Variants in GPC3 observed in about 807,000 individuals in gnomAD.
The protein encoded by GPC3 is glypican 3, also known as glypican-3.
GPC3 carries 3 observed loss-of-function variants against 34.4 expected under a neutral mutation model. That is an observed-to-expected ratio of 0.09 (90% CI 0.04 to 0.23). The LOEUF is 0.23. GPC3 is among the 10% of genes least tolerant of loss of function. The pLI is 1.00. For synonymous variants in GPC3, 177 were observed against 174.0 expected (o/e 1.02, Z -0.13); for missense variants, 351 against 445.6 (o/e 0.79, Z 1.91).
chrX:133,919,838 T>C (rs2076240209), intron 2 of GPC3, among the ~76,000 whole-genome samples: 1 of 99,329 alleles, frequency 1.0e-5, no homozygotes, highest in Non-Finnish European at 2.0e-5. Context: ...CAAGATCCTG[T>C]CTCAAAAAAA....
chrX:133,769,514 T>C (rs1367417846), intron 2 of GPC3, among the ~76,000 whole-genome samples: 1 of 112,143 alleles, frequency 8.9e-6, no homozygotes, highest in African/African-American at 3.2e-5. Context: ...TTCATCAAAT[T>C]GCACACATTA....
chrX:133,693,416 GTAAA>G (rs2071085164), intron 4 of GPC3, among the ~76,000 whole-genome samples: 1 of 111,425 alleles, frequency 9.0e-6, no homozygotes, highest in Non-Finnish European at 1.9e-5. Flanking sequence ...ATGTACAGTG[GTAAA>G]TAAACAAAAA....
chrX:133,985,266 C>G lies in GPC3; in HGVS notation c.175+9G>C, dbSNP rs776234359. The G allele has an allele frequency of 8.3e-7, 1 of 1,210,235 alleles. No homozygotes were observed. Among genetic ancestry groups the G allele is most frequent in the Non-Finnish European group, 1.1e-6 (1 of 894,438 alleles). ...GGGCGCTAGGCACGCTCAAGGGACC[C>G]CTCCTCACCTGGCACGGGAGTTTCT... On this transcript the variant is annotated intron_variant, in intron 1 of 7. Coordinates refer to ENST00000370818, the MANE Select transcript of GPC3 (RefSeq NM_004484.4).
At chrX:133,562,814 GA>G (rs1281902884) in intron 7 of GPC3, among the ~76,000 whole-genome samples, 7 of 110,909 alleles carry the variant, frequency 6.3e-5, no homozygotes, top group African/African-American at 2.3e-4. Context: ...ACCATTATGG[GA>G]GTGTTAGGAT....
At chrX:133,813,368 G>A (rs189135285) in intron 2 of GPC3, among the ~76,000 whole-genome samples, 33 of 112,288 alleles carry the variant, frequency 2.9e-4, no homozygotes, top group Admixed American at 7.5e-4. Context: ...TCACCATTCC[G>A]ATAACACTGG....
At position 133,985,561 on chromosome X, in the gene GPC3, C is replaced by G. The variant is rs1008933780; in HGVS notation, c.-112G>C. 1.1e-4 allele frequency: 84 copies of G among 769,161 alleles called. No individual in the cohort carries two copies. The highest frequency in any genetic ancestry group is 1.4e-4 in the Non-Finnish European group (74 of 533,027). 63.4% of individuals were successfully genotyped at this position (769,161 alleles called of 1,213,427 possible). The stretch of plus-strand genomic sequence containing the variant: ...CTGAGGAGCAAGAGACGTGCTGCTA[C>G]CCAGCCGCTGCAAAAGTTTCCTCGC... On this transcript the variant is annotated 5_prime_UTR_variant, in exon 1 of 8. Transcript: ENST00000370818.
chrX:133,763,642 C>T (rs1603242634), intron 2 of GPC3: 1 of 781,500 alleles, frequency 1.3e-6, no homozygotes, highest in Middle Eastern at 3.2e-4. Flanking sequence ...TTCCACTGCT[C>T]AGGCCACTGA....
intron 2 of GPC3, among the ~76,000 whole-genome samples, chrX:133,813,449 T>G (rs2075674910): frequency 8.9e-6 from 1 of 112,683 alleles, no homozygotes; most frequent in African/African-American, 3.2e-5. Context: ...GGGGGAAGTA[T>G]TATTGGTGGA....
At chrX:133,656,936 C>A (rs2070670027) in intron 6 of GPC3, among the ~76,000 whole-genome samples, 1 of 111,649 alleles carries the variant, frequency 9.0e-6, no homozygotes, top group Non-Finnish European at 1.9e-5. Flanking sequence ...TGGGTTAAAG[C>A]CTGACCTTGA....
chrX:133,661,950 C>A, intron 5 of GPC3, 100 bp from the exon 6 acceptor site: 1 of 971,894 alleles, frequency 1.0e-6, no homozygotes, highest in South Asian at 2.0e-5. Context: ...ACCACAAGCT[C>A]ATGAGACGAC....
At chrX:133,965,088 TTACAG>T (rs2076457429) in intron 1 of GPC3, among the ~76,000 whole-genome samples, 1 of 111,701 alleles carries the variant, frequency 9.0e-6, no homozygotes, top group African/African-American at 3.3e-5. Context: ...AAGTTCCTCC[TTACAG>T]TAGAGAGTTC....
chrX:133,588,391 A>T (rs759275596), intron 7 of GPC3, among the ~76,000 whole-genome samples: 2 of 111,160 alleles, frequency 1.8e-5, no homozygotes, highest in Non-Finnish European at 3.8e-5. Flanking sequence ...AACAAAAAAC[A>T]AACAAACAAA....
intron 3 of GPC3, among the ~76,000 whole-genome samples, chrX:133,717,137 T>C (rs1215705613): frequency 9.1e-6 from 1 of 110,027 alleles, no homozygotes; most frequent in African/African-American, 3.3e-5. Flanking sequence ...AATTTTTGTA[T>C]TTTTGGTAGA....
intron 3 of GPC3, among the ~76,000 whole-genome samples, chrX:133,741,268 C>T (rs2071561933): frequency 2.0e-5 from 2 of 98,492 alleles, no homozygotes; most frequent in South Asian, 4.7e-4. Flanking sequence ...AAATAAACTT[C>T]TGTTGTTTAA....
intron 4 of GPC3, among the ~76,000 whole-genome samples, chrX:133,693,687 T>C (rs2071087888): frequency 9.0e-6 from 1 of 111,467 alleles, no homozygotes; most frequent in African/African-American, 3.3e-5. Context: ...CTTCTGGGAG[T>C]TGTTCTCAGA....
At chrX:133,863,042 T>C (rs1281925598) in intron 2 of GPC3, among the ~76,000 whole-genome samples, 1 of 113,076 alleles carries the variant, frequency 8.8e-6, no homozygotes, top group Non-Finnish European at 1.9e-5. Context: ...ACTGCTTTTC[T>C]CTTGTCAGTT....
intron 2 of GPC3, among the ~76,000 whole-genome samples, chrX:133,842,178 G>A (rs988279905): frequency 1.8e-5 from 2 of 109,888 alleles, no homozygotes; most frequent in African/African-American, 6.6e-5. Flanking sequence ...TTAGCTGGGT[G>A]TGGTGATGGG....
At chrX:133,687,133 G>A (rs1021953792) in intron 5 of GPC3, among the ~76,000 whole-genome samples, 5 of 83,268 alleles carry the variant, frequency 6.0e-5, no homozygotes, top group Admixed American at 2.9e-4. Flanking sequence ...TAGTAGAGAC[G>A]AGGTTTCACC....
At chrX:133,659,169 G>C (rs2070695070) in intron 6 of GPC3, among the ~76,000 whole-genome samples, 1 of 112,418 alleles carries the variant, frequency 8.9e-6, no homozygotes, top group South Asian at 3.7e-4. Context: ...TAATACAGAT[G>C]AGAGAACTAA....
Sources: allele counts gnomAD v4.1 joint callset (sites outside exome capture counted in the v4.1 genomes callset), GRCh38; gene constraint gnomAD v4.1.1; transcripts MANE v1.5; gene names NCBI Gene and HGNC (gene_info 2026-07-23, HGNC 2026-07-21).